HNF1B: variants seen among roughly 807,000 people sequenced by gnomAD.
HNF1B encodes HNF1 homeobox B.
Under a neutral mutation model 61.7 loss-of-function variants are expected in HNF1B, and 8 were observed. That is an observed-to-expected ratio of 0.13 (90% CI 0.08 to 0.23). The LOEUF is 0.23. Among genes scored for constraint, HNF1B ranks in the 10% least tolerant of loss-of-function variants. The pLI, the probability that HNF1B is intolerant of heterozygous loss-of-function variation, is 1.00. For synonymous variants in HNF1B, 314 were observed against 287.7 expected (o/e 1.09, Z -0.93); for missense variants, 562 against 714.5 (o/e 0.79, Z 2.43).
chr17:37,708,953 C>T (rs1236873959), intron 5 of HNF1B, among the ~76,000 whole-genome samples: 3 of 152,112 alleles, frequency 2.0e-5, no homozygotes, highest in Admixed American at 6.5e-5. Flanking sequence ...TCTGTGTTGC[C>T]TACACAGCAC....
chr17:37,690,302 G>GAGGA lies in HNF1B; in HGVS notation c.1654-2914_1654-2911dup, dbSNP rs60277804. Among the ~76,000 whole-genome samples the GAGGA allele has an allele frequency of 9.6e-3, 1,465 of 152,308 alleles. 23 individuals carry two copies. Among genetic ancestry groups the GAGGA allele is most frequent in the African/African-American group, 0.034 (1,398 of 41,552 alleles). ...GCTAAAGCTGAGCGGGTGATGGAGGGAGGAAGGAGGTGAGAACGGCGACAC... is the reference window on the plus strand; with the variant it reads ...GCTAAAGCTGAGCGGGTGATGGAGGGAGGAAGGAAGGAGGTGAGAACGGCGACAC... On this transcript the variant is annotated intron_variant, in intron 8 of 8. Transcript: ENST00000617811.
chr17:37,713,345 C>G (rs2032998396), intron 4 of HNF1B, among the ~76,000 whole-genome samples: 1 of 152,134 alleles, frequency 6.6e-6, no homozygotes, highest in African/African-American at 2.4e-5. Flanking sequence ...AAAGGCTACG[C>G]AATTATTTAT....
chr17:37,707,117 ATT>A (rs3049485), intron 5 of HNF1B, among the ~76,000 whole-genome samples: 85 of 143,828 alleles, frequency 5.9e-4, no homozygotes, highest in South Asian at 1.1e-3. Flanking sequence ...ATTATTTTTA[ATT>A]TTTTTTTTTT....
chr17:37,715,915 T>C (rs889013148), intron 4 of HNF1B, among the ~76,000 whole-genome samples: 4 of 152,142 alleles, frequency 2.6e-5, no homozygotes, highest in African/African-American at 7.2e-5. Flanking sequence ...GTGGATCACT[T>C]GAGGTCAGGA....
intron 4 of HNF1B, among the ~76,000 whole-genome samples, chr17:37,727,179 C>T (rs868723766): frequency 9.2e-5 from 14 of 152,166 alleles, no homozygotes; most frequent in African/African-American, 2.7e-4. Flanking sequence ...GCCGCCCTGC[C>T]CTCTGACCTT....
intron 7 of HNF1B, among the ~76,000 whole-genome samples, 195 bp from the exon 8 acceptor site, chr17:37,699,389 T>A (rs1177048664): frequency 6.7e-6 from 1 of 149,054 alleles, no homozygotes; most frequent in Non-Finnish European, 1.5e-5. Context: ...CCCGAAAGCA[T>A]GTGGATGCTT....
chr17:37,735,713 C>T (rs909087995), intron 2 of HNF1B, among the ~76,000 whole-genome samples: 27 of 152,246 alleles, frequency 1.8e-4, no homozygotes, highest in African/African-American at 6.5e-4. Flanking sequence ...GAATATCTAC[C>T]CCTAGTCAGG....
chr17:37,687,964 C>A (rs1228327586), intron 8 of HNF1B, among the ~76,000 whole-genome samples: 3 of 152,202 alleles, frequency 2.0e-5, no homozygotes, highest in Non-Finnish European at 4.4e-5. Context: ...CCTAGGGCAG[C>A]AAGGCCAGAA....
chr17:37,691,218 CAGTGATCTCAAG>C (rs1469833837), intron 8 of HNF1B, among the ~76,000 whole-genome samples: 2 of 152,116 alleles, frequency 1.3e-5, no homozygotes, highest in Non-Finnish European at 2.9e-5. Flanking sequence ...GGCCAGTCTG[CAGTGATCTCAAG>C]AGAGAATTGA....
chr17:37,739,973 A>T (rs1021850403), intron 1 of HNF1B, among the ~76,000 whole-genome samples: 5 of 149,732 alleles, frequency 3.3e-5, no homozygotes, highest in Admixed American at 6.6e-5. Flanking sequence ...TTTATTTATT[A>T]TTATTTTTTT....
chr17:37,726,714 T>A (rs896198904), intron 4 of HNF1B, among the ~76,000 whole-genome samples: 2 of 152,118 alleles, frequency 1.3e-5, no homozygotes, highest in African/African-American at 4.8e-5. Flanking sequence ...TCAAGTCCAC[T>A]GGGCTTGGAG....
intron 4 of HNF1B, chr17:37,729,287 G>A (rs2147534724): frequency 6.6e-6 from 1 of 152,140 alleles, no homozygotes; most frequent in South Asian, 2.1e-4. Flanking sequence ...TAAAGCAGAA[G>A]GGCTGGGCAC....
intron 6 of HNF1B, among the ~76,000 whole-genome samples, chr17:37,702,894 T>C (rs2032617930): frequency 6.6e-6 from 1 of 152,188 alleles, no homozygotes; most frequent in Non-Finnish European, 1.5e-5. Flanking sequence ...GCTCCCTCAG[T>C]GGGTAAGTCT....
At chr17:37,727,744 G>T (rs1489944463) in intron 4 of HNF1B, among the ~76,000 whole-genome samples, 1 of 152,144 alleles carries the variant, frequency 6.6e-6, no homozygotes, top group East Asian at 1.9e-4. Flanking sequence ...GCCACAGCAT[G>T]GTAAGCATGG....
chr17:37,728,279 G>A (rs1385136040), intron 4 of HNF1B, among the ~76,000 whole-genome samples: 2 of 151,846 alleles, frequency 1.3e-5, no homozygotes, highest in South Asian at 2.1e-4. Flanking sequence ...TGGGATTTCA[G>A]GTGTGAGCCA....
At position 37,687,264 on chromosome 17, in the gene HNF1B, G is replaced by C. The variant is rs571805143; in HGVS notation, c.*108C>G. 20 of 1,580,434 alleles carry C rather than the reference G, an allele frequency of 1.3e-5. No individual in the cohort carries two copies. The highest frequency in any genetic ancestry group is 8.7e-7 in the Non-Finnish European group (1 of 1,151,146). On this transcript the variant is annotated 3_prime_UTR_variant, in exon 9 of 9. Coordinates refer to ENST00000617811, the MANE Select transcript of HNF1B (RefSeq NM_000458.4). ...TCCGTCAGGTAAGCAGGGACCTCTCGCAGGTGCTGGTCAGGTCACTGGGCT... is the reference window on the plus strand; with the variant it reads ...TCCGTCAGGTAAGCAGGGACCTCTCCCAGGTGCTGGTCAGGTCACTGGGCT...
At chr17:37,732,035 C>T (rs558294841) in intron 3 of HNF1B, among the ~76,000 whole-genome samples, 1 of 152,226 alleles carries the variant, frequency 6.6e-6, no homozygotes, top group East Asian at 1.9e-4. Context: ...TGGGCCTGAA[C>T]GCAGGGACAG....
intron 1 of HNF1B, among the ~76,000 whole-genome samples, chr17:37,741,872 G>A (rs1375902923): frequency 6.6e-6 from 1 of 152,130 alleles, no homozygotes; most frequent in African/African-American, 2.4e-5. Flanking sequence ...ATAAATAATG[G>A]CAAAACCTTT....
intron 4 of HNF1B, among the ~76,000 whole-genome samples, chr17:37,715,673 T>A (rs2033084648): frequency 6.6e-6 from 1 of 152,194 alleles, no homozygotes; most frequent in Admixed American, 6.5e-5. Context: ...CCATGTCAGA[T>A]AACCCTTTCT....
Sources: gnomAD v4.1 joint callset for allele counts (sites outside exome capture counted in the v4.1 genomes callset) on GRCh38, gnomAD v4.1.1 for gene constraint, MANE v1.5 for transcripts, NCBI Gene and HGNC (gene_info 2026-07-23, HGNC 2026-07-21) for gene names.